Variants in KLHDC7B observed in about 807,000 individuals in gnomAD.
The protein encoded by KLHDC7B is kelch domain-containing protein 7B.
In KLHDC7B, 1 loss-of-function variant was observed where a neutral mutation model predicts 0.6. The ratio of observed to expected loss-of-function variants is 1.71; its 90% CI spans 0.61 to 8.11. The LOEUF (loss-of-function observed/expected upper bound fraction) is 8.11, where lower values mean the gene tolerates loss of function less well. KLHDC7B is among the 30% of genes most tolerant of loss of function. The probability of loss-of-function intolerance (pLI) is 0.13; values close to 1 mark genes in which losing one functional copy is unlikely to be tolerated. For missense variants in KLHDC7B, 993 were observed against 894.9 expected (o/e 1.11, Z -1.40); for synonymous variants, 462 against 405.2 (o/e 1.14, Z -1.68).
rs1358971953 is a variant in KLHDC7B, at chr22:50,548,959, G to C, written c.2716G>C (p.Ala906Pro). 1.3e-6 allele frequency: 2 copies of C among 1,596,748 alleles called. No homozygotes were observed. Among genetic ancestry groups the C allele is most frequent in the Admixed American group, 3.4e-5 (2 of 58,266 alleles). The change falls in exon 1 of 1, where the codon GCG becomes CCG. Residue 906 changes from alanine to proline, a missense_variant. Physicochemically the swap from Ala to Pro is conservative, Grantham distance 27 (BLOSUM62 -1). Coordinates refer to ENST00000648057, the MANE Select transcript of KLHDC7B (RefSeq NM_138433.5). This position sits in a 1 kb window ranked among gnomAD's most constrained non-coding sequence, Gnocchi z 5.3. Reference protein sequence around the residue: ...GDPCLYRRLSAADRERILSLR... With the variant: ...GDPCLYRRLSPADRERILSLR... The stretch of plus-strand genomic sequence containing the variant: ...CCCGTGCCTCTACCGCCGGCTGAGC[G>C]CGGCCGACCGCGAGCGCATCCTCAG...
In KLHDC7B at chr22:50,548,455, C is replaced by T; in HGVS notation, c.289C>T (p.Gln97Ter). ...GGAGAAAAGTCTAGACCCGCTGCCC[C>T]AAGCCGCGATGCCCAGGGGCCCCGC... Residue 97 changes from glutamine to a stop codon, truncating the protein, a stop_gained, in exon 1 of 1, where the codon CAA becomes TAA. Coordinates refer to the KLHDC7B transcript ENST00000395676. LOFTEE classifies it low-confidence loss of function (END_TRUNC). The surrounding 1 kb of genome is among the most constrained non-coding windows in gnomAD (Gnocchi z 5.3). 4 of 1,579,686 alleles carry T rather than the reference C, an allele frequency of 2.5e-6. No individual in the cohort carries two copies. The highest frequency in any genetic ancestry group is 3.4e-6 in the Non-Finnish European group (4 of 1,163,304).
In KLHDC7B at chr22:50,549,157, A is replaced by C. The variant is rs753641814; in HGVS notation, c.2914A>C (p.Thr972Pro). The C allele has an allele frequency of 5.0e-6, 8 of 1,604,310 alleles. No individual in the cohort carries two copies. Among genetic ancestry groups the C allele is most frequent in the Non-Finnish European group, 6.8e-6 (8 of 1,179,680 alleles). Residue 972 changes from threonine (T) to proline (P), a missense_variant, in exon 1 of 1, where the codon ACC becomes CCC. By Grantham distance (38) the Thr-to-Pro change is conservative. Transcript: ENST00000648057. ...HLHVFNPREN[T>P]WRPLTQVPEE... ...GCATGTGTTCAACCCCCGGGAGAACACCTGGCGGCCCCTGACCCAGGTGCC... is the reference window on the plus strand; with the variant it reads ...GCATGTGTTCAACCCCCGGGAGAACCCCTGGCGGCCCCTGACCCAGGTGCC...
rs1231933102 is a variant in KLHDC7B at position 50,546,897 on chromosome 22, G to A, written c.654G>A (p.Ala218=). Among the ~76,000 whole-genome samples, 10 of 152,024 alleles carry A rather than the reference G, an allele frequency of 6.6e-5. No homozygotes were observed. The highest frequency in any genetic ancestry group is 4.4e-5 in the Non-Finnish European group (3 of 67,950). The part of the protein sequence containing the change: ...QQDTGPWQAG[A]GPSGSMGRGR... ...ACACTGGCCCCTGGCAGGCGGGCGC[G>A]GGGCCCTCGGGCTCGATGGGGAGAG... The change falls in exon 1 of 1, where the codon GCG becomes GCA. Residue 218 remains alanine, a synonymous_variant. Coordinates refer to ENST00000648057, the MANE Select transcript of KLHDC7B (RefSeq NM_138433.5).
At position 50,550,190 on chromosome 22, in the gene KLHDC7B, T is replaced by C. The variant is rs2069792192; in HGVS notation, c.*239T>C. On this transcript the variant is annotated 3_prime_UTR_variant, in exon 1 of 1. Transcript: ENST00000648057. ...TTCCTGACTCAATTCCGTACCTACT[T>C]ACAGACCCTCTCAGCTTGCTGACAC... The C allele has an allele frequency of 2.1e-6, 1 of 474,742 alleles. No homozygotes were observed. The highest frequency in any genetic ancestry group is 3.8e-6 in the Non-Finnish European group (1 of 261,712). The allele number at this position is 474,742 out of a possible 1,614,324, so 29.4% of individuals were successfully genotyped here.
At position 50,549,907 on chromosome 22, in the gene KLHDC7B, A is replaced by C. The variant is rs753290485; in HGVS notation, c.3664A>C (p.Ile1222Leu). ...GAGCACCGGGGTCCTCAGTCCATTC[A>C]TCCTGACTCTGCCCCCTGAGGACCG... ...LGSTGVLSPF[I>L]LTLPPEDRLQ... The change falls in exon 1 of 1, where the codon ATC (isoleucine) becomes CTC (leucine). Residue 1222 changes from isoleucine (I) to leucine (L), a missense_variant. Coordinates refer to ENST00000648057, the MANE Select transcript of KLHDC7B (RefSeq NM_138433.5). 46 of 1,589,618 alleles carry C rather than the reference A, an allele frequency of 2.9e-5. No homozygotes were observed. In the South Asian group the frequency reaches 5.1e-4, roughly 18 times the overall value.
At position 50,549,984 on chromosome 22, in the gene KLHDC7B, C is replaced by G. The variant is rs200624798; in HGVS notation, c.*33C>G. 5 of 1,492,528 alleles carry G rather than the reference C, an allele frequency of 3.4e-6. No homozygotes were observed. In the African/African-American group the frequency reaches 6.9e-5, roughly 21 times the overall value. 92.5% of individuals were successfully genotyped at this position (1,492,528 alleles called of 1,614,324 possible). ...GCAGAGAACCAAAGCTGCTTCGCTGCTCTCCAGGGAGACCCTCCTGGGATG... is the reference window on the plus strand; with the variant it reads ...GCAGAGAACCAAAGCTGCTTCGCTGGTCTCCAGGGAGACCCTCCTGGGATG... On this transcript the variant is annotated 3_prime_UTR_variant, in exon 1 of 1. Coordinates refer to ENST00000648057, the MANE Select transcript of KLHDC7B (RefSeq NM_138433.5).
chr22:50,548,473 G>C lies in KLHDC7B; in HGVS notation c.2230G>C (p.Gly744Arg). ...GCTGCCCCAAGCCGCGATGCCCAGG[G>C]GCCCCGCACAGCCCCCCGCGCAGAG... Reference protein sequence around the residue: ...DPLPQAAMPRGPAQPPAQRPP... With the variant: ...DPLPQAAMPRRPAQPPAQRPP... Residue 744 changes from glycine (G) to arginine (R), a missense_variant, in exon 1 of 1, where the codon GGC becomes CGC. By Grantham distance (125) the Gly-to-Arg change is moderately radical. Transcript: ENST00000648057. This position sits in a 1 kb window ranked among gnomAD's most constrained non-coding sequence, Gnocchi z 5.3. 12 of 1,577,734 alleles carry C rather than the reference G, an allele frequency of 7.6e-6. No individual in the cohort carries two copies. Among genetic ancestry groups the C allele is most frequent in the South Asian group, 1.2e-5 (1 of 86,690 alleles).
chr22:50,549,876 C>G lies in KLHDC7B; in HGVS notation c.3633C>G (p.Pro1211=). Residue 1211 remains proline (P), a synonymous_variant, in exon 1 of 1, where the codon CCC becomes CCG. Transcript: ENST00000648057. ...QFQAKELQPF[P]LGSTGVLSPF... ...AGGCCAAGGAGCTGCAGCCCTTCCCCTTGGGGAGCACCGGGGTCCTCAGTC... is the reference window on the plus strand; with the variant it reads ...AGGCCAAGGAGCTGCAGCCCTTCCCGTTGGGGAGCACCGGGGTCCTCAGTC... The G allele has an allele frequency of 6.3e-7, 1 of 1,587,904 alleles. No homozygotes were observed. Among genetic ancestry groups the G allele is most frequent in the Non-Finnish European group, 8.6e-7 (1 of 1,166,132 alleles).
chr22:50,549,748 G>GGCC lies in KLHDC7B; in HGVS notation c.3505_3506insGCC (p.Ala1169delinsGlyPro). ...CAGGGCTGCCTCCCTGCCCCTGCCCGCCCCCGCCCCACTGCACTGCACCAC... is the reference window on the plus strand; with the variant it reads ...CAGGGCTGCCTCCCTGCCCCTGCCCGGCCCCCCCGCCCCACTGCACTGCACCAC... On this transcript the variant is annotated protein_altering_variant, in exon 1 of 1. Coordinates refer to ENST00000648057, the MANE Select transcript of KLHDC7B (RefSeq NM_138433.5). 6.9e-7 allele frequency: 1 copy of GGCC among 1,447,208 alleles called. No individual in the cohort carries two copies. The highest frequency in any genetic ancestry group is 9.3e-7 in the Non-Finnish European group (1 of 1,078,810). 89.6% of individuals were successfully genotyped at this position (1,447,208 alleles called of 1,614,324 possible). A position where few individuals can be genotyped will look rare whatever the true frequency, so the allele number is the denominator to read the frequency against.
rs1307771028 is a variant in KLHDC7B at position 50,548,845 on chromosome 22, C to G, written c.2602C>G (p.Leu868Val). Residue 868 changes from leucine (L) to valine (V), a missense_variant, in exon 1 of 1, where the codon CTG (leucine) becomes GTG (valine). Physicochemically the swap from Leu to Val is conservative, Grantham distance 32. Transcript: ENST00000648057. The surrounding 1 kb of genome is among the most constrained non-coding windows in gnomAD (Gnocchi z 5.3). ...RLDLGSCLDV[L>V]AFAQQHGEPG... ...GGACCTGGGCAGTTGCCTGGACGTGCTGGCCTTTGCCCAGCAGCACGGAGA... is the reference window on the plus strand; with the variant it reads ...GGACCTGGGCAGTTGCCTGGACGTGGTGGCCTTTGCCCAGCAGCACGGAGA... 1 of 1,548,952 alleles carries G rather than the reference C, an allele frequency of 6.5e-7. No homozygotes were observed. The highest frequency in any genetic ancestry group is 1.2e-5 in the South Asian group (1 of 84,904).
chr22:50,549,654 C>T lies in KLHDC7B; in HGVS notation c.3411C>T (p.Tyr1137=), dbSNP rs911633481. Residue 1137 remains tyrosine, a synonymous_variant, in exon 1 of 1, where the codon TAC becomes TAT. Coordinates refer to ENST00000648057, the MANE Select transcript of KLHDC7B (RefSeq NM_138433.5). ...SDIVALGGFL[Y]RFDLLRGVGA... is the part of the protein sequence containing the mutation. ...TCGTGGCACTGGGGGGCTTCCTGTA[C>T]CGCTTCGACCTGCTGCGGGGCGTGG... 7 of 1,556,306 alleles carry T rather than the reference C, an allele frequency of 4.5e-6. No individual in the cohort carries two copies. The South Asian group carries it at 7.2e-5, about 16-fold the overall frequency.
At position 50,547,670 on chromosome 22, in the gene KLHDC7B, C is replaced by T. The variant is rs1411718096; in HGVS notation, c.1427C>T (p.Pro476Leu). The T allele has an allele frequency of 4.8e-6, 2 of 414,768 alleles. No homozygotes were observed. The highest frequency in any genetic ancestry group is 8.5e-6 in the Non-Finnish European group (2 of 235,544). 25.7% of individuals were successfully genotyped at this position (414,768 alleles called of 1,614,324 possible). A position where few individuals can be genotyped will look rare whatever the true frequency, so the allele number is the denominator to read the frequency against. Residue 476 changes from proline (P) to leucine (L), a missense_variant, in exon 1 of 1, where the codon CCA (proline) becomes CTA (leucine). Physicochemically the swap from Pro to Leu is moderately conservative, Grantham distance 98. Transcript: ENST00000648057. ...TCAGCCCAAGTCTTAACTTCAGCTC[C>T]AGCCTCAGTCCTAGCCCCAGCCCTG... The part of the protein sequence containing the change: ...SASAQVLTSA[P>L]ASVLAPALAS...
Position 50,549,699 on chromosome 22 carries a change from C to T in KLHDC7B, c.3456C>T (p.Tyr1152=), listed in dbSNP as rs1215227463. ...GCGTGGGCGCCGCCGTGATGCGCTA[C>T]AACACAGTGACCGGCTCCTGGAGCA... ...LRGVGAAVMR[Y]NTVTGSWSRA... The change falls in exon 1 of 1, where the codon TAC becomes TAT. Residue 1152 remains tyrosine (Y), a synonymous_variant. Transcript: ENST00000648057. The T allele has an allele frequency of 9.5e-6, 15 of 1,577,592 alleles. No homozygotes were observed. Among genetic ancestry groups the T allele is most frequent in the Non-Finnish European group, 1.3e-5 (15 of 1,163,172 alleles).
Position 50,550,023 on chromosome 22 carries a change from G to A in KLHDC7B, c.*72G>A, listed in dbSNP as rs1419413485. On this transcript the variant is annotated 3_prime_UTR_variant, in exon 1 of 1. Transcript: ENST00000648057. ...CCTCCTGGGATGGGCCTGAGAGGCC[G>A]GGGCTCAGGGAAGGGGCTGGGATCG... is the stretch of plus-strand genomic sequence containing the variant. 10 of 1,398,918 alleles carry A rather than the reference G, an allele frequency of 7.1e-6. No homozygotes were observed. Among genetic ancestry groups the A allele is most frequent in the South Asian group, 3.1e-5 (2 of 65,230 alleles). The allele number at this position is 1,398,918 out of a possible 1,614,324, so 86.7% of individuals were successfully genotyped here. A position where few individuals can be genotyped will look rare whatever the true frequency, so the allele number is the denominator to read the frequency against.
rs1008518245 is a variant in KLHDC7B, at chr22:50,550,312, A to C, written c.*361A>C. ...CGCTGGAGCTCTGCTGAGCCGAGAG[A>C]GGAGGGGGTAGAAAACATTCACACT... On this transcript the variant is annotated 3_prime_UTR_variant, in exon 1 of 1. Coordinates refer to ENST00000648057, the MANE Select transcript of KLHDC7B (RefSeq NM_138433.5). 3.8e-6 allele frequency: 1 copy of C among 264,136 alleles called. No homozygotes were observed. The highest frequency in any genetic ancestry group is 2.2e-5 in the African/African-American group (1 of 44,928). The allele number at this position is 264,136 out of a possible 1,614,324, so 16.4% of individuals were successfully genotyped here.
Position 50,547,428 on chromosome 22 carries a change from G to A in KLHDC7B, c.1185G>A (p.Pro395=), listed in dbSNP as rs1025686808. 2.7e-6 allele frequency: 1 copy of A among 369,486 alleles called. No individual in the cohort carries two copies. Among genetic ancestry groups the A allele is most frequent in the South Asian group, 1.4e-4 (1 of 6,948 alleles). 22.9% of individuals were successfully genotyped at this position (369,486 alleles called of 1,614,324 possible). A position where few individuals can be genotyped will look rare whatever the true frequency, so the allele number is the denominator to read the frequency against. Residue 395 remains proline, a synonymous_variant, in exon 1 of 1, where the codon CCG becomes CCA. Coordinates refer to ENST00000648057, the MANE Select transcript of KLHDC7B (RefSeq NM_138433.5). The part of the protein sequence containing the change: ...PAADLGPTRP[P]EQAKPAAAGH... ...CTGACCTGGGGCCCACCCGGCCCCC[G>A]GAGCAAGCAAAGCCGGCTGCAGCCG...
In KLHDC7B at chr22:50,549,688, G is replaced by A. The variant is rs752844099; in HGVS notation, c.3445G>A (p.Val1149Met). Reference protein sequence around the residue: ...FDLLRGVGAAVMRYNTVTGSW... With the variant: ...FDLLRGVGAAMMRYNTVTGSW... ...CCTGCTGCGGGGCGTGGGCGCCGCC[G>A]TGATGCGCTACAACACAGTGACCGG... Residue 1149 changes from valine (V) to methionine (M), a missense_variant, in exon 1 of 1, where the codon GTG becomes ATG. Coordinates refer to ENST00000648057, the MANE Select transcript of KLHDC7B (RefSeq NM_138433.5). 4.5e-5 allele frequency: 70 copies of A among 1,560,358 alleles called. No individual in the cohort carries two copies. The South Asian group carries it at 6.5e-4, about 14-fold the overall frequency.
rs1311382929 is a variant in KLHDC7B, at chr22:50,547,062, G to A, written c.819G>A (p.Ala273=). Reference sequence around the variant, plus strand: ...GGGCCGCCGCCCTGGACGCCCACGCGCGCGGCCTCCCCACAGGACCCCCAC... The same window carrying A: ...GGGCCGCCGCCCTGGACGCCCACGCACGCGGCCTCCCCACAGGACCCCCAC... ...VDGAAALDAH[A]RGLPTGPPLA... Residue 273 remains alanine (A), a synonymous_variant, in exon 1 of 1, where the codon GCG becomes GCA. Coordinates refer to ENST00000648057, the MANE Select transcript of KLHDC7B (RefSeq NM_138433.5). 1.3e-5 allele frequency among the ~76,000 whole-genome samples: 2 copies of A among 151,664 alleles called. No individual in the cohort carries two copies. The highest frequency in any genetic ancestry group is 4.8e-5 in the African/African-American group (2 of 41,350).
Position 50,549,972 on chromosome 22 carries a change from G to A in KLHDC7B, c.*21G>A. On this transcript the variant is annotated 3_prime_UTR_variant, in exon 1 of 1. Transcript: ENST00000648057. ...TCTGAGTGGCAGGCAGAGAACCAAA[G>A]CTGCTTCGCTGCTCTCCAGGGAGAC... The A allele has an allele frequency of 1.3e-6, 2 of 1,508,456 alleles. No homozygotes were observed. Among genetic ancestry groups the A allele is most frequent in the Non-Finnish European group, 1.8e-6 (2 of 1,120,266 alleles). The allele number at this position is 1,508,456 out of a possible 1,614,324, so 93.4% of individuals were successfully genotyped here.
Sources: allele counts gnomAD v4.1 joint callset (sites outside exome capture counted in the v4.1 genomes callset), GRCh38; gene constraint gnomAD v4.1.1; non-coding constraint Gnocchi (gnomAD v3.1); transcripts MANE v1.5; gene names NCBI Gene and HGNC (gene_info 2026-07-23, HGNC 2026-07-21).